Variants in NCOA2 observed in about 807,000 individuals in gnomAD.
NCOA2 encodes the protein class E basic helix-loop-helix protein 75.
NCOA2 carries 21 observed loss-of-function variants against 145.1 expected under a neutral mutation model. That is an observed-to-expected ratio of 0.14 (90% CI 0.10 to 0.21). NCOA2 has a LOEUF of 0.21. Among genes scored for constraint, NCOA2 ranks in the 10% least tolerant of loss-of-function variants. The pLI is 1.00. For missense variants in NCOA2, 1,472 were observed against 1,837.6 expected, an observed-to-expected ratio of 0.80 and a Z score of 3.64; for synonymous variants, 619 against 637.5, an observed-to-expected ratio of 0.97 and a Z score of 0.44.
At chr8:70,296,596 T>A (rs1476510588) in intron 2 of NCOA2, 148 bp downstream of exon 2, 1 of 152,184 alleles carries the variant, frequency 6.6e-6, no homozygotes, top group Non-Finnish European at 1.5e-5. Flanking sequence ...GGAACTTTCA[T>A]AATAAAAATG....
intron 2 of NCOA2, among the ~76,000 whole-genome samples, chr8:70,254,003 A>G (rs1159412067): frequency 6.6e-6 from 1 of 152,208 alleles, no homozygotes; most frequent in East Asian, 1.9e-4. Flanking sequence ...TTGATAAGGG[A>G]TTGACATCCA....
chr8:70,316,369 C>G (rs1444155939), intron 1 of NCOA2, among the ~76,000 whole-genome samples: 1 of 152,192 alleles, frequency 6.6e-6, no homozygotes, highest in African/African-American at 2.4e-5. Context: ...ACTACCTCAA[C>G]CAACTCCAAG....
chr8:70,154,896 A>G (rs1812120131), intron 11 of NCOA2, among the ~76,000 whole-genome samples: 1 of 152,184 alleles, frequency 6.6e-6, no homozygotes, highest in Admixed American at 6.5e-5. Flanking sequence ...GTTAGTAACA[A>G]TGTATTATAT....
chr8:70,114,727 T>C (rs986377666), intron 22 of NCOA2, among the ~76,000 whole-genome samples: 1 of 152,236 alleles, frequency 6.6e-6, no homozygotes, highest in Admixed American at 6.5e-5. Context: ...TTCTGGGATT[T>C]AGATATTTAG....
At chr8:70,276,747 T>C (rs570468681) in intron 2 of NCOA2, among the ~76,000 whole-genome samples, 115 of 152,328 alleles carry the variant, frequency 7.5e-4, no homozygotes, top group African/African-American at 2.7e-3. Flanking sequence ...CTTTCCTTTA[T>C]AAATTACCCA....
the NCOA2 span, among the ~76,000 whole-genome samples, chr8:70,436,228 G>T: frequency 6.6e-6 from 1 of 152,040 alleles, no homozygotes; most frequent in Non-Finnish European, 1.5e-5. Context: ...TTGATTATTT[G>T]TAAGCATTAC....
intron 2 of NCOA2, among the ~76,000 whole-genome samples, chr8:70,234,929 G>A (rs1369869953): frequency 6.6e-6 from 1 of 152,098 alleles, no homozygotes; most frequent in Non-Finnish European, 1.5e-5. Flanking sequence ...AAAACCATCT[G>A]ATTTTCATTT....
chr8:70,450,106 A>T, the NCOA2 span, among the ~76,000 whole-genome samples: 1 of 152,084 alleles, frequency 6.6e-6, no homozygotes, highest in Non-Finnish European at 1.5e-5. Flanking sequence ...CACAGCCCTT[A>T]TTTTTCGTTC....
intron 4 of NCOA2, among the ~76,000 whole-genome samples, chr8:70,201,049 C>CAA (rs60951750): frequency 0.018 from 1,108 of 62,192 alleles, 41 homozygotes; most frequent in Middle Eastern, 0.054. Context: ...GACTGTGTCT[C>CAA]AAAAAAAAAA....
intron 2 of NCOA2, among the ~76,000 whole-genome samples, chr8:70,247,830 A>G (rs1001891470): frequency 1.3e-5 from 2 of 152,220 alleles, no homozygotes; most frequent in African/African-American, 4.8e-5. Flanking sequence ...GATCAATCGC[A>G]GCTAAGATAA....
At chr8:70,227,254 G>C (rs1160455477) in intron 2 of NCOA2, among the ~76,000 whole-genome samples, 2 of 152,048 alleles carry the variant, frequency 1.3e-5, no homozygotes, top group Non-Finnish European at 2.9e-5. Context: ...CTTTCCTGTG[G>C]GTTCTTTACC....
chr8:70,356,000 G>C (rs1809653868), intron 1 of NCOA2, among the ~76,000 whole-genome samples: 1 of 152,176 alleles, frequency 6.6e-6, no homozygotes, highest in Non-Finnish European at 1.5e-5. Context: ...AGTAGAAGTA[G>C]AGGGATACTA....
chr8:70,349,984 A>G (rs1480077188), intron 1 of NCOA2, among the ~76,000 whole-genome samples: 4 of 152,120 alleles, frequency 2.6e-5, no homozygotes, highest in Non-Finnish European at 4.4e-5. Flanking sequence ...TAGAACCTCA[A>G]TTACATCTTC....
chr8:70,118,107 T>G (rs1484667346), intron 22 of NCOA2, among the ~76,000 whole-genome samples: 1 of 152,146 alleles, frequency 6.6e-6, no homozygotes. Flanking sequence ...AGCCCTGGCC[T>G]AGGTGGCTAG....
At chr8:70,427,220 A>C in the NCOA2 span, among the ~76,000 whole-genome samples, 2 of 152,242 alleles carry the variant, frequency 1.3e-5, no homozygotes, top group Non-Finnish European at 2.9e-5. Context: ...GTTAGTAATA[A>C]TTTGGTTTTC....
chr8:70,261,451 G>T (rs6989792), intron 2 of NCOA2, among the ~76,000 whole-genome samples: 10 of 151,772 alleles, frequency 6.6e-5, no homozygotes, highest in African/African-American at 1.5e-4. Flanking sequence ...TGGGGTGGGG[G>T]GAGGCGGGAG....
rs573262017 is a variant in NCOA2, at chr8:70,378,341, T to C, written c.-77+25359A>G. On this transcript the variant is annotated intron_variant, in intron 1 of 22. Transcript: ENST00000452400. ...TAAATCTTTTATATACTACAAAAAATATTTTTGAATGTTGAAAATCTGACA... is the reference window on the plus strand; with the variant it reads ...TAAATCTTTTATATACTACAAAAAACATTTTTGAATGTTGAAAATCTGACA... Among the ~76,000 whole-genome samples, 89 of 152,096 alleles carry C rather than the reference T, an allele frequency of 5.9e-4. 1 individual carries two copies. The highest frequency in any genetic ancestry group is 1.9e-3 in the African/African-American group (80 of 41,502).
intron 2 of NCOA2, among the ~76,000 whole-genome samples, chr8:70,266,268 T>C (rs1195190813): frequency 2.0e-5 from 3 of 152,210 alleles, no homozygotes; most frequent in African/African-American, 7.2e-5. Flanking sequence ...GCTCAAGTGA[T>C]CCTCCTACCT....
At chr8:70,337,206 T>C (rs1223136185) in intron 1 of NCOA2, among the ~76,000 whole-genome samples, 2 of 147,002 alleles carry the variant, frequency 1.4e-5, no homozygotes, top group Non-Finnish European at 3.0e-5. Context: ...GAGGAGTGTG[T>C]GTGTGTGTGT....
Sources: gnomAD v4.1 joint callset for allele counts (sites outside exome capture counted in the v4.1 genomes callset) on GRCh38, gnomAD v4.1.1 for gene constraint, MANE v1.5 for transcripts, NCBI Gene and HGNC (gene_info 2026-07-23, HGNC 2026-07-21) for gene names.